UNC80: variants seen among roughly 807,000 people sequenced by gnomAD.
The protein encoded by UNC80 is unc-80 subunit of NALCN channel complex.
Under a neutral mutation model 384.6 loss-of-function variants are expected in UNC80, and 164 were observed. The ratio of observed to expected loss-of-function variants is 0.43; its 90% CI spans 0.38 to 0.49. The LOEUF is 0.49. Among genes scored for constraint, UNC80 ranks in the 20% least tolerant of loss-of-function variants. UNC80 has a pLI of 0.00. For missense variants in UNC80, 3,330 were observed against 4,143.0 expected, an observed-to-expected ratio of 0.80 and a Z score of 5.39; for synonymous variants, 1,486 against 1,527.8, an observed-to-expected ratio of 0.97 and a Z score of 0.64.
At chr2:209,966,156 T>A (rs1432958185) in intron 51 of UNC80, among the ~76,000 whole-genome samples, 1 of 152,174 alleles carries the variant, frequency 6.6e-6, no homozygotes, top group Non-Finnish European at 1.5e-5. Flanking sequence ...CAACATGTAC[T>A]GATTCAAGCC....
At chr2:209,902,090 A>G (rs2087482546) in intron 28 of UNC80, among the ~76,000 whole-genome samples, 1 of 152,216 alleles carries the variant, frequency 6.6e-6, no homozygotes, top group Admixed American at 6.5e-5. Flanking sequence ...AGGAGATCAA[A>G]TATCAACATT....
At chr2:209,837,119 A>G (rs1033545043) in intron 18 of UNC80, among the ~76,000 whole-genome samples, 2 of 152,198 alleles carry the variant, frequency 1.3e-5, no homozygotes, top group Non-Finnish European at 2.9e-5. Context: ...TTAAAAAAAG[A>G]ACTTAAAAAT....
At chr2:209,887,798 G>A (rs1463984451) in intron 25 of UNC80, among the ~76,000 whole-genome samples, 1 of 152,190 alleles carries the variant, frequency 6.6e-6, no homozygotes, top group Non-Finnish European at 1.5e-5. Flanking sequence ...AGCCAAAACT[G>A]TGGACAAAGA....
chr2:209,959,042 A>G, intron 49 of UNC80, 77 bp from the exon 50 acceptor site: 1 of 1,238,060 alleles, frequency 8.1e-7, no homozygotes, highest in Non-Finnish European at 1.1e-6. Context: ...TTTTCATATG[A>G]AAGTCGATAA....
chr2:209,953,805 C>T (rs1369241108), intron 47 of UNC80, among the ~76,000 whole-genome samples: 1 of 152,148 alleles, frequency 6.6e-6, no homozygotes, highest in Non-Finnish European at 1.5e-5. Flanking sequence ...TATAGCTCCA[C>T]CTATTATCAT....
chr2:209,950,125 C>G (rs1165606274), intron 47 of UNC80, among the ~76,000 whole-genome samples: 1 of 152,154 alleles, frequency 6.6e-6, no homozygotes, highest in Non-Finnish European at 1.5e-5. Context: ...GGAACTGTGC[C>G]TGCCTCAGAT....
At position 209,773,085 on chromosome 2, in the gene UNC80, A is replaced by T; in HGVS notation, c.93-9A>T. 1 of 1,608,138 alleles carries T rather than the reference A, an allele frequency of 6.2e-7. No homozygotes were observed. Among genetic ancestry groups the T allele is most frequent in the Non-Finnish European group, 8.5e-7 (1 of 1,175,350 alleles). ...TGTTTATTAACAAATATCTCTATTA[A>T]TTTTTCAGTGCATTTTTGAGGCCCA... On this transcript the variant is annotated splice_polypyrimidine_tract_variant and intron_variant, in intron 1 of 64. Transcript: ENST00000673920.
chr2:209,978,592 T>C lies in UNC80; in HGVS notation c.9002T>C (p.Leu3001Ser). The C allele has an allele frequency of 1.3e-6, 2 of 1,551,474 alleles. No homozygotes were observed. The highest frequency in any genetic ancestry group is 1.7e-6 in the Non-Finnish European group (2 of 1,146,812). The stretch of plus-strand genomic sequence containing the variant: ...TCCACCTCTGCTTACCGCCTGAGCT[T>C]GGCCACCATGTCCCGCTCTAACACG... The part of the protein sequence containing the change: ...GTSTSAYRLS[L>S]ATMSRSNTGT... The change falls in exon 59 of 65, where the codon TTG becomes TCG. Residue 3001 changes from leucine to serine, a missense_variant. Leu to Ser is a moderately radical substitution (Grantham distance 145). This residue lies in a region of UNC80 where 216 missense variants were observed against 245.3 expected (regional missense o/e 0.88). Transcript: ENST00000673920.
At chr2:209,959,027 AG>A (rs1038948725) in intron 49 of UNC80, 91 bp from the exon 50 acceptor site, 33 of 1,033,810 alleles carry the variant, frequency 3.2e-5, no homozygotes, top group Middle Eastern at 2.0e-4. Context: ...TATAGCTTCA[AG>A]GGCTTTTCAT....
intron 14 of UNC80, among the ~76,000 whole-genome samples, chr2:209,828,604 A>T (rs553923052): frequency 1.3e-5 from 2 of 152,206 alleles, no homozygotes; most frequent in African/African-American, 4.8e-5. Context: ...ACAATTAAGG[A>T]CACTAATACA....
At chr2:209,824,324 G>C (rs1240807701) in intron 13 of UNC80, among the ~76,000 whole-genome samples, 1 of 152,096 alleles carries the variant, frequency 6.6e-6, no homozygotes, top group African/African-American at 2.4e-5. Flanking sequence ...TTACTGGAGT[G>C]TCTTCTCAGC....
intron 26 of UNC80, among the ~76,000 whole-genome samples, chr2:209,891,584 A>C (rs2086332629): frequency 6.6e-6 from 1 of 152,076 alleles, no homozygotes; most frequent in Non-Finnish European, 1.5e-5. Context: ...TAAGAACTTT[A>C]ATTTGATGTG....
At chr2:209,962,625 G>A (rs2092628735) in intron 51 of UNC80, among the ~76,000 whole-genome samples, 1 of 152,148 alleles carries the variant, frequency 6.6e-6, no homozygotes, top group Non-Finnish European at 1.5e-5. Flanking sequence ...ATCAATAGGA[G>A]GGCAACATTT....
chr2:209,952,613 G>A (rs1245739936), intron 47 of UNC80, among the ~76,000 whole-genome samples: 1 of 151,774 alleles, frequency 6.6e-6, no homozygotes, highest in African/African-American at 2.4e-5. Context: ...CAGATGCCTG[G>A]AAAAAAAAGA....
chr2:209,901,476 A>G (rs2087394616), intron 28 of UNC80, among the ~76,000 whole-genome samples: 1 of 152,336 alleles, frequency 6.6e-6, no homozygotes, highest in Non-Finnish European at 1.5e-5. Flanking sequence ...ATTTCTTTCA[A>G]TAGATTGCTG....
intron 61 of UNC80, among the ~76,000 whole-genome samples, chr2:209,990,057 T>A (rs995132526): frequency 6.6e-6 from 1 of 152,184 alleles, no homozygotes; most frequent in Non-Finnish European, 1.5e-5. Context: ...ATACTAAAGC[T>A]ATAAACTTGA....
At chr2:209,865,562 A>G (rs1335366274) in intron 22 of UNC80, among the ~76,000 whole-genome samples, 8 of 149,894 alleles carry the variant, frequency 5.3e-5, no homozygotes. Flanking sequence ...AGATCCCGCC[A>G]CTGCACTCCA....
intron 22 of UNC80, among the ~76,000 whole-genome samples, chr2:209,867,534 A>T (rs956420726): frequency 1.3e-5 from 2 of 152,142 alleles, no homozygotes; most frequent in African/African-American, 4.8e-5. Context: ...TGTCCTACCC[A>T]GAGCCAAACC....
At chr2:209,857,894 C>T (rs2083053085) in intron 22 of UNC80, among the ~76,000 whole-genome samples, 1 of 152,092 alleles carries the variant, frequency 6.6e-6, no homozygotes, top group African/African-American at 2.4e-5. Flanking sequence ...TTCTAAGTTA[C>T]TGATTCTTCA....
Sources: allele counts gnomAD v4.1 joint callset (sites outside exome capture counted in the v4.1 genomes callset), GRCh38; gene constraint gnomAD v4.1.1; regional missense constraint gnomAD v4.1.1; transcripts MANE v1.5; gene names NCBI Gene and HGNC (gene_info 2026-07-23, HGNC 2026-07-21).